PTCH1: variants seen among roughly 807,000 people sequenced by gnomAD.
The protein encoded by PTCH1 is protein patched homolog 1.
Under a neutral mutation model 144.6 loss-of-function variants are expected in PTCH1, and 14 were observed. The ratio of observed to expected loss-of-function variants is 0.10; its 90% CI spans 0.06 to 0.15. The LOEUF (loss-of-function observed/expected upper bound fraction) is 0.15. Among genes scored for constraint, PTCH1 ranks in the 10% least tolerant of loss-of-function variants. The probability of loss-of-function intolerance (pLI) is 1.00; values close to 1 mark genes in which losing one functional copy is unlikely to be tolerated. For missense variants in PTCH1, 1,623 were observed against 1,948.3 expected (o/e 0.83, Z 3.14); for synonymous variants, 833 against 793.6 (o/e 1.05, Z -0.83).
chr9:95,480,072 C>T lies in PTCH1; in HGVS notation c.964G>A (p.Val322Ile). The T allele has an allele frequency of 6.2e-7, 1 of 1,613,992 alleles. No individual in the cohort carries two copies. The highest frequency in any genetic ancestry group is 8.5e-7 in the Non-Finnish European group (1 of 1,180,012). Residue 322 changes from valine to isoleucine, a missense_variant, in exon 7 of 24, where the codon GTT becomes ATT. By Grantham distance (29) the Val-to-Ile change is conservative. Around this residue, in one of 7 missense-constraint regions of PTCH1, gnomAD observed 230 missense variants for 271.0 expected, o/e 0.85. Coordinates refer to ENST00000331920, the MANE Select transcript of PTCH1 (RefSeq NM_000264.5). Reference protein sequence around the residue: ...NSTKPLDMALVLNGGCHGLSR... With the variant: ...NSTKPLDMALILNGGCHGLSR... ...AAGCCATGACATCCACCATTCAAAA[C>T]AAGGGCCATATCAAGAGGCTAAAAT...
In PTCH1 at chr9:95,503,742, C is replaced by A. The variant is rs1440630547; in HGVS notation, c.394+2665G>T. Among the ~76,000 whole-genome samples, 2 of 58,058 alleles carry A rather than the reference C, an allele frequency of 3.4e-5. 1 individual carries two copies. The highest frequency in any genetic ancestry group is 6.8e-5 in the Non-Finnish European group (2 of 29,580). The allele number at this position is 58,058 out of a possible 152,430, so 38.1% of individuals were successfully genotyped here. A position where few individuals can be genotyped will look rare whatever the true frequency, so the allele number is the denominator to read the frequency against. On this transcript the variant is annotated intron_variant, in intron 2 of 23. Coordinates refer to ENST00000331920, the MANE Select transcript of PTCH1 (RefSeq NM_000264.5). ...GTTATAAAAACAAAATAGGGCCGGG[C>A]GCGGTGGCTCACGCCTGTAATCCCA...
At position 95,508,152 on chromosome 9, in the gene PTCH1, G is replaced by A. The variant is rs751905115; in HGVS notation, c.201+9C>T. The A allele has an allele frequency of 1.2e-6, 2 of 1,612,540 alleles. No homozygotes were observed. Among genetic ancestry groups the A allele is most frequent in the South Asian group, 1.1e-5 (1 of 91,044 alleles). ...AAGAGAAAGTGGGAGGAGAGAGTCT[G>A]AAATGCACCTTGGAAATCTGCTCCA... On this transcript the variant is annotated intron_variant, in intron 1 of 23. Transcript: ENST00000331920.
chr9:95,470,339 T>A (rs1425559713), intron 12 of PTCH1, among the ~76,000 whole-genome samples: 1 of 152,120 alleles, frequency 6.6e-6, no homozygotes, highest in African/African-American at 2.4e-5. Context: ...GTTAAACATT[T>A]TTATATAAAG....
intron 9 of PTCH1, 23 bp downstream of exon 9, chr9:95,478,032 A>G (rs1248102416): frequency 1.2e-6 from 2 of 1,614,182 alleles, no homozygotes; most frequent in South Asian, 1.1e-5. Flanking sequence ...TCCAGCCCCC[A>G]GGAGCATGGC....
rs900693773 is a variant in PTCH1 at position 95,449,504 on chromosome 9, C to A, written c.3550-181G>T. On this transcript the variant is annotated intron_variant, in intron 21 of 23. Transcript: ENST00000331920. The surrounding 1 kb of genome is among the most constrained non-coding windows in gnomAD (Gnocchi z 5.3). ...GGACCTTCAGGTCCCGCAGCTGGAG[C>A]AGAAGAACTGTCCTCTGCTCCACAC... The A allele has an allele frequency of 2.4e-6, 2 of 832,094 alleles. No homozygotes were observed. Among genetic ancestry groups the A allele is most frequent in the African/African-American group, 1.7e-5 (1 of 59,186 alleles). The allele number at this position is 832,094 out of a possible 1,614,324, so 51.5% of individuals were successfully genotyped here.
At chr9:95,491,691 G>A (rs2062909694) in intron 2 of PTCH1, among the ~76,000 whole-genome samples, 1 of 152,162 alleles carries the variant, frequency 6.6e-6, no homozygotes, top group Non-Finnish European at 1.5e-5. Context: ...GAGTACAGCA[G>A]GAGGTAGCCT....
rs150069331 is a variant in PTCH1 at position 95,508,181 on chromosome 9, C to T, written c.181G>A (p.Ala61Thr). Residue 61 changes from alanine (A) to threonine (T), a missense_variant, in exon 1 of 24, where the codon GCT (alanine) becomes ACT (threonine). Ala to Thr is a moderately conservative substitution (Grantham distance 58). Transcript: ENST00000331920. Reference sequence around the variant, plus strand: ...TGCACCTTGGAAATCTGCTCCAGAGCGAAGGCGGCGTCGCAGTAGCTGGGC... The same window carrying T: ...TGCACCTTGGAAATCTGCTCCAGAGTGAAGGCGGCGTCGCAGTAGCTGGGC... ...HRPSYCDAAF[A>T]LEQISKGKAT... The T allele has an allele frequency of 1.4e-4, 221 of 1,612,754 alleles. No individual in the cohort carries two copies. Among genetic ancestry groups the T allele is most frequent in the Non-Finnish European group, 1.8e-4 (210 of 1,179,786 alleles).
At chr9:95,490,557 A>ACACACACACACAC (rs1564069050) in intron 2 of PTCH1, among the ~76,000 whole-genome samples, 1 of 147,606 alleles carries the variant, frequency 6.8e-6, no homozygotes, top group African/African-American at 2.5e-5. Context: ...ACACACACAC[A>ACACACACACACAC]AAAGAAAGAT....
Position 95,478,204 on chromosome 9 carries a change from T to C in PTCH1, c.1216-18A>G, listed in dbSNP as rs1841237374. 6.2e-7 allele frequency: 1 copy of C among 1,614,118 alleles called. No homozygotes were observed. The highest frequency in any genetic ancestry group is 8.5e-7 in the Non-Finnish European group (1 of 1,180,004). ...TGAACCACCTGTGGTCACAACAGAA[T>C]GCGAAATGCCCAAATGCAATGAACA... On this transcript the variant is annotated intron_variant, in intron 8 of 23. Transcript: ENST00000331920.
intron 15 of PTCH1, among the ~76,000 whole-genome samples, chr9:95,463,981 G>C (rs1392779387): frequency 6.6e-6 from 1 of 152,204 alleles, no homozygotes. Context: ...CCAAAATCTG[G>C]GGGCGGTTTT....
intron 16 of PTCH1, among the ~76,000 whole-genome samples, chr9:95,460,925 T>A (rs980670055): frequency 6.6e-6 from 1 of 151,946 alleles, no homozygotes; most frequent in African/African-American, 2.4e-5. Flanking sequence ...GAGCTCAGAG[T>A]TTCACACTCC....
Position 95,449,406 on chromosome 9 carries a change from C to T in PTCH1, c.3550-83G>A, listed in dbSNP as rs1285740904. On this transcript the variant is annotated intron_variant, in intron 21 of 23. Transcript: ENST00000331920. This position sits in a 1 kb window ranked among gnomAD's most constrained non-coding sequence, Gnocchi z 5.3. Reference sequence around the variant, plus strand: ...TCAAAGCTCAAAGCACGGTATTTTTCAGGGGCCTCTGTTCCCTGCCCTGGG... The same window carrying T: ...TCAAAGCTCAAAGCACGGTATTTTTTAGGGGCCTCTGTTCCCTGCCCTGGG... 1 of 1,525,670 alleles carries T rather than the reference C, an allele frequency of 6.6e-7. No homozygotes were observed. Among genetic ancestry groups the T allele is most frequent in the Admixed American group, 2.0e-5 (1 of 50,988 alleles). The allele number at this position is 1,525,670 out of a possible 1,614,324, so 94.5% of individuals were successfully genotyped here. A position where few individuals can be genotyped will look rare whatever the true frequency, so the allele number is the denominator to read the frequency against.
At chr9:95,485,120 C>A (rs1426347064) in intron 3 of PTCH1, among the ~76,000 whole-genome samples, 2 of 151,938 alleles carry the variant, frequency 1.3e-5, no homozygotes, top group Non-Finnish European at 2.9e-5. Context: ...GCATGAGAAT[C>A]GCTTAAACCC....
chr9:95,478,223 A>C, intron 8 of PTCH1, 37 bp from the exon 9 acceptor site: 1 of 1,613,970 alleles, frequency 6.2e-7, no homozygotes, highest in Non-Finnish European at 8.5e-7. Context: ...CCCAAATGCA[A>C]TGAACACTTC....
intron 2 of PTCH1, among the ~76,000 whole-genome samples, chr9:95,491,399 T>G (rs1298779134): frequency 6.6e-6 from 1 of 152,124 alleles, no homozygotes; most frequent in African/African-American, 2.4e-5. Flanking sequence ...GGATAACAAA[T>G]GCTGTGATGA....
chr9:95,484,758 G>A (rs531323660), intron 3 of PTCH1, among the ~76,000 whole-genome samples: 1 of 152,240 alleles, frequency 6.6e-6, no homozygotes, highest in African/African-American at 2.4e-5. Flanking sequence ...CTCAATGCTG[G>A]GGTGAAAACA....
chr9:95,516,401 G>C, intron 1 of PTCH1: 1 of 1,232,502 alleles, frequency 8.1e-7, no homozygotes, highest in Non-Finnish European at 1.0e-6. Context: ...CCGTGTCCCC[G>C]CGCCGCCCGA....
Position 95,497,536 on chromosome 9 carries a change from CGGA to C in PTCH1, c.394+8868_394+8870del, listed in dbSNP as rs1325838694. 3.9e-5 allele frequency among the ~76,000 whole-genome samples: 6 copies of C among 152,330 alleles called. No individual in the cohort carries two copies. In the East Asian group the frequency reaches 1.2e-3, roughly 29 times the overall value. ...ACCCACCCGGGAGGGCTTCCTCTCACGGAGGAGGTCATCTTGGAGGCTCGGGCT... is the reference window on the plus strand; with the variant it reads ...ACCCACCCGGGAGGGCTTCCTCTCACGGAGGTCATCTTGGAGGCTCGGGCT... On this transcript the variant is annotated intron_variant, in intron 2 of 23. Transcript: ENST00000331920.
At chr9:95,500,748 G>A (rs1271488824) in intron 2 of PTCH1, among the ~76,000 whole-genome samples, 1 of 152,126 alleles carries the variant, frequency 6.6e-6, no homozygotes, top group African/African-American at 2.4e-5. Context: ...CACACTAGCC[G>A]GGCTTCTGAA....
Sources: allele counts gnomAD v4.1 joint callset (sites outside exome capture counted in the v4.1 genomes callset), GRCh38; gene constraint gnomAD v4.1.1; regional missense constraint gnomAD v4.1.1; non-coding constraint Gnocchi (gnomAD v3.1); transcripts MANE v1.5; gene names NCBI Gene and HGNC (gene_info 2026-07-23, HGNC 2026-07-21).